ARHGAP1: variants seen among roughly 807,000 people sequenced by gnomAD.
The protein encoded by ARHGAP1 is Rho GTPase activating protein 1.
In ARHGAP1, 23 loss-of-function variants were observed where a neutral mutation model predicts 52.2. That is an observed-to-expected ratio of 0.44 (90% CI 0.32 to 0.62). The LOEUF (loss-of-function observed/expected upper bound fraction) is 0.62. Ranked by LOEUF, ARHGAP1 falls within the 20% of genes least tolerant of loss-of-function variation. ARHGAP1 has a pLI of 0.05. For missense variants in ARHGAP1, 480 were observed against 560.9 expected (o/e 0.86, Z 1.46); for synonymous variants, 210 against 228.4 (o/e 0.92, Z 0.73).
At chr11:46,695,545 G>A (rs1229704027) in intron 3 of ARHGAP1, 115 bp downstream of exon 3, 2 of 1,140,602 alleles carry the variant, frequency 1.8e-6, no homozygotes, top group Non-Finnish European at 2.6e-6. Context: ...CACATGCCAG[G>A]AGCACCAGGG....
At position 46,680,966 on chromosome 11, in the gene ARHGAP1, CATTACCCTGGCTTCACGA is replaced by C. The variant is rs781638929; in HGVS notation, c.635+27_635+44del. On this transcript the variant is annotated intron_variant, in intron 7 of 12. Coordinates refer to ENST00000311956, the MANE Select transcript of ARHGAP1 (RefSeq NM_004308.5). This position sits in a 1 kb window ranked among gnomAD's most constrained non-coding sequence, Gnocchi z 5.9. ...GTCTCTGAATCAGGACACACGTCCTCATTACCCTGGCTTCACGAGCCCCCAGCCGCCGCACCCGCCTCA... is the reference window on the plus strand; with the variant it reads ...GTCTCTGAATCAGGACACACGTCCTCGCCCCCAGCCGCCGCACCCGCCTCA... 5 of 1,547,038 alleles carry C rather than the reference CATTACCCTGGCTTCACGA, an allele frequency of 3.2e-6. No homozygotes were observed. The East Asian group carries it at 1.1e-4, about 35-fold the overall frequency.
In ARHGAP1 at chr11:46,680,458, G is replaced by A. The variant is rs1410539710; in HGVS notation, c.820+29C>T. 6.2e-7 allele frequency: 1 copy of A among 1,611,930 alleles called. No homozygotes were observed. The highest frequency in any genetic ancestry group is 8.5e-7 in the Non-Finnish European group (1 of 1,178,352). ...TTCCTGAAGGGAGCCGGGAGACCTGGCTGGTGAGGAGGCAGGCCCGGCACT... is the reference window on the plus strand; with the variant it reads ...TTCCTGAAGGGAGCCGGGAGACCTGACTGGTGAGGAGGCAGGCCCGGCACT... On this transcript the variant is annotated intron_variant, in intron 9 of 12. Coordinates refer to ENST00000311956, the MANE Select transcript of ARHGAP1 (RefSeq NM_004308.5). The surrounding 1 kb of genome is among the most constrained non-coding windows in gnomAD (Gnocchi z 5.9).
chr11:46,680,081 C>A lies in ARHGAP1; in HGVS notation c.898+124G>T. 8.0e-7 allele frequency: 1 copy of A among 1,250,268 alleles called. No homozygotes were observed. Among genetic ancestry groups the A allele is most frequent in the Admixed American group, 1.8e-5 (1 of 56,462 alleles). 77.4% of individuals were successfully genotyped at this position (1,250,268 alleles called of 1,614,324 possible). ...GGCAGAAGTAGGACTTATGTGACACCCAGAGCCACGGAAACCTCCAGCAGG... is the reference window on the plus strand; with the variant it reads ...GGCAGAAGTAGGACTTATGTGACACACAGAGCCACGGAAACCTCCAGCAGG... On this transcript the variant is annotated intron_variant, in intron 10 of 12. Coordinates refer to ENST00000311956, the MANE Select transcript of ARHGAP1 (RefSeq NM_004308.5). The surrounding 1 kb of genome is among the most constrained non-coding windows in gnomAD (Gnocchi z 5.9).
At position 46,688,804 on chromosome 11, in the gene ARHGAP1, C is replaced by T. The variant is rs1029714431; in HGVS notation, c.230-544G>A. 1.1e-3 allele frequency among the ~76,000 whole-genome samples: 163 copies of T among 150,326 alleles called. 1 individual carries two copies. The highest frequency in any genetic ancestry group is 3.7e-3 in the African/African-American group (152 of 41,166). On this transcript the variant is annotated intron_variant, in intron 3 of 12. Transcript: ENST00000311956. ...TCACTTTTTAAAAAGTCATGCCGGC[C>T]GGGCGCGGTGGCTCACGCCTGTAAT...
intron 4 of ARHGAP1, among the ~76,000 whole-genome samples, chr11:46,684,639 G>A (rs1327224163): frequency 2.0e-5 from 3 of 152,210 alleles, no homozygotes; most frequent in South Asian, 2.1e-4. Flanking sequence ...GCCCTTTGTA[G>A]GGTGTGAGTG....
In ARHGAP1 at chr11:46,681,590, C is replaced by A; in HGVS notation, c.450-211G>T. On this transcript the variant is annotated intron_variant, in intron 5 of 12. Coordinates refer to ENST00000311956, the MANE Select transcript of ARHGAP1 (RefSeq NM_004308.5). This position sits in a 1 kb window ranked among gnomAD's most constrained non-coding sequence, Gnocchi z 5.7. The stretch of plus-strand genomic sequence containing the variant: ...CTAGGATTACAGGCACCCACCACCA[C>A]ACCTAGCTAATTTTTGTATTTTTAG... The A allele has an allele frequency of 5.8e-6, 3 of 514,636 alleles. No individual in the cohort carries two copies. The highest frequency in any genetic ancestry group is 1.1e-5 in the Non-Finnish European group (3 of 284,962). 31.9% of individuals were successfully genotyped at this position (514,636 alleles called of 1,614,324 possible).
At position 46,700,558 on chromosome 11, in the gene ARHGAP1, G is replaced by C. The variant is rs1422267227; in HGVS notation, c.-57C>G. 7 of 177,984 alleles carry C rather than the reference G, an allele frequency of 3.9e-5. No homozygotes were observed. The highest frequency in any genetic ancestry group is 6.0e-5 in the Non-Finnish European group (5 of 83,002). The allele number at this position is 177,984 out of a possible 1,614,324, so 11.0% of individuals were successfully genotyped here. On this transcript the variant is annotated 5_prime_UTR_variant, in exon 1 of 13. Transcript: ENST00000311956. ...CCGCGCCCAGCAGCTCACCGCGCTC[G>C]GGCACTGCTCCCTCTGCCACGCCTG...
intron 4 of ARHGAP1, among the ~76,000 whole-genome samples, chr11:46,682,803 GA>G (rs1371867826): frequency 1.3e-5 from 2 of 152,206 alleles, no homozygotes; most frequent in Admixed American, 6.5e-5. Flanking sequence ...CGTTTCCCCT[GA>G]ATCAGGGATT....
intron 4 of ARHGAP1, among the ~76,000 whole-genome samples, chr11:46,686,262 G>A (rs2064567847): frequency 6.6e-6 from 1 of 151,986 alleles, no homozygotes; most frequent in African/African-American, 2.4e-5. Context: ...GGGATTACAG[G>A]CATGAGCCGC....
Position 46,679,751 on chromosome 11 carries a change from G to A in ARHGAP1, c.924C>T (p.Tyr308=), listed in dbSNP as rs765076716. The change falls in exon 11 of 13, where the codon TAC becomes TAT. Residue 308 remains tyrosine (Y), a synonymous_variant. Coordinates refer to ENST00000311956, the MANE Select transcript of ARHGAP1 (RefSeq NM_004308.5). The surrounding 1 kb of genome is among the most constrained non-coding windows in gnomAD (Gnocchi z 4.4). ...TGACTGCTGGCAGGTGCAGCTCATT[G>A]TACTGGTCGAAATCCACAGGCAGCC... ...NMGLPVDFDQ[Y]NELHLPAVIL... 1 of 1,613,842 alleles carries A rather than the reference G, an allele frequency of 6.2e-7. No individual in the cohort carries two copies. Among genetic ancestry groups the A allele is most frequent in the Non-Finnish European group, 8.5e-7 (1 of 1,179,952 alleles).
intron 4 of ARHGAP1, chr11:46,687,585 G>A (rs552765599): frequency 1.3e-5 from 2 of 152,544 alleles, no homozygotes; most frequent in South Asian, 2.1e-4. Flanking sequence ...AGCAGGAAGT[G>A]AGTTTGCTCG....
intron 3 of ARHGAP1, among the ~76,000 whole-genome samples, chr11:46,689,950 G>A (rs1445990098): frequency 6.6e-6 from 1 of 152,188 alleles, no homozygotes; most frequent in African/African-American, 2.4e-5. Context: ...TGTGTATTTG[G>A]AAAGCCTCTT....
chr11:46,699,199 G>A (rs979934622), intron 1 of ARHGAP1, among the ~76,000 whole-genome samples: 4 of 152,170 alleles, frequency 2.6e-5, no homozygotes, highest in African/African-American at 9.7e-5. Flanking sequence ...GAGAATCACT[G>A]TTTAAGAACT....
chr11:46,690,095 G>A (rs1033583298), intron 3 of ARHGAP1, among the ~76,000 whole-genome samples: 9 of 150,086 alleles, frequency 6.0e-5, no homozygotes, highest in South Asian at 2.1e-4. Flanking sequence ...TGGGGGTCTC[G>A]GCCAGGCACA....
At chr11:46,697,287 C>T (rs2064663712) in intron 1 of ARHGAP1, 1 of 152,404 alleles carries the variant, frequency 6.6e-6, no homozygotes, top group East Asian at 1.9e-4. Context: ...GCAGCAACTC[C>T]CCCTCCTGCC....
At position 46,678,176 on chromosome 11, in the gene ARHGAP1, G is replaced by T; in HGVS notation, c.*861C>A. 1 of 222,288 alleles carries T rather than the reference G, an allele frequency of 4.5e-6. No homozygotes were observed. The highest frequency in any genetic ancestry group is 9.3e-6 in the Non-Finnish European group (1 of 107,346). 13.8% of individuals were successfully genotyped at this position (222,288 alleles called of 1,614,324 possible). A position where few individuals can be genotyped will look rare whatever the true frequency, so the allele number is the denominator to read the frequency against. ...GCCAGTGTGACTCCGTAACAGACAG[G>T]TCCACAAGAACATGAAGGCTGATGA... On this transcript the variant is annotated 3_prime_UTR_variant, in exon 13 of 13. Transcript: ENST00000311956.
At chr11:46,691,085 GT>G (rs1394384654) in intron 3 of ARHGAP1, among the ~76,000 whole-genome samples, 1 of 151,850 alleles carries the variant, frequency 6.6e-6, no homozygotes, top group Non-Finnish European at 1.5e-5. Flanking sequence ...ACAGAATCTT[GT>G]TATGTTGCCC....
chr11:46,679,157 C>T lies in ARHGAP1; in HGVS notation c.1200G>A (p.Leu400=), dbSNP rs367950784. 1.9e-6 allele frequency: 3 copies of T among 1,613,650 alleles called. No individual in the cohort carries two copies. Among genetic ancestry groups the T allele is most frequent in the Non-Finnish European group, 2.5e-6 (3 of 1,179,766 alleles). The change falls in exon 13 of 13, where the codon CTG becomes CTA. Residue 400 remains leucine, a synonymous_variant. Transcript: ENST00000311956. This position sits in a 1 kb window ranked among gnomAD's most constrained non-coding sequence, Gnocchi z 4.4. ...TGATGGCCGCATCCTTGGCCCACAG[C>T]AGGTTAGGGCCGAAAACAACAGCCA... ...TNLAVVFGPN[L]LWAKDAAITL...
intron 3 of ARHGAP1, 142 bp from the exon 4 acceptor site, chr11:46,688,402 G>T: frequency 1.3e-6 from 1 of 780,266 alleles, no homozygotes; most frequent in Non-Finnish European, 2.1e-6. Context: ...CCTCCGGGCA[G>T]CCTCCTGCAT....
Sources: allele counts gnomAD v4.1 joint callset (sites outside exome capture counted in the v4.1 genomes callset), GRCh38; gene constraint gnomAD v4.1.1; non-coding constraint Gnocchi (gnomAD v3.1); transcripts MANE v1.5; gene names NCBI Gene and HGNC (gene_info 2026-07-23, HGNC 2026-07-21).